TEAD1: variants seen among roughly 807,000 people sequenced by gnomAD.
TEAD1 encodes transcriptional enhancer factor TEF-1.
In TEAD1, 9 loss-of-function variants were observed where a neutral mutation model predicts 54.9. That is an observed-to-expected ratio of 0.16 (90% CI 0.10 to 0.29). TEAD1 has a LOEUF of 0.29. Ranked by LOEUF, TEAD1 falls within the 10% of genes least tolerant of loss-of-function variation. The probability of loss-of-function intolerance (pLI) is 1.00; values close to 1 mark genes in which losing one functional copy is unlikely to be tolerated. For synonymous variants in TEAD1, 200 were observed against 187.8 expected, an observed-to-expected ratio of 1.07 and a Z score of -0.53; for missense variants, 387 against 535.9, an observed-to-expected ratio of 0.72 and a Z score of 2.74.
chr11:12,823,236 T>G (rs1345348342), intron 3 of TEAD1, among the ~76,000 whole-genome samples: 1 of 152,208 alleles, frequency 6.6e-6, no homozygotes. Flanking sequence ...CTTCAGGGTC[T>G]TTTCTAAATG....
intron 2 of TEAD1, among the ~76,000 whole-genome samples, chr11:12,760,143 C>T (rs1033565176): frequency 1.3e-5 from 2 of 152,182 alleles, no homozygotes; most frequent in Non-Finnish European, 2.9e-5. Context: ...TCTTCACCAT[C>T]CATCAGAAGG....
chr11:12,868,701 G>T (rs896875238), intron 5 of TEAD1, among the ~76,000 whole-genome samples: 1 of 152,224 alleles, frequency 6.6e-6, no homozygotes, highest in Non-Finnish European at 1.5e-5. Flanking sequence ...TTTCTACGTA[G>T]ATTTGAACTT....
At position 12,890,421 on chromosome 11, in the gene TEAD1, G is replaced by A. The variant is rs117101727; in HGVS notation, c.699+7296G>A. ...AGTCTCTGGTGCCAAAAAGGGGACC[G>A]CTGCTTTAGAGCCTATCTTTCATCA... is the stretch of plus-strand genomic sequence containing the variant. On this transcript the variant is annotated intron_variant, in intron 9 of 12. Transcript: ENST00000527636. Among the ~76,000 whole-genome samples the A allele has an allele frequency of 1.9e-3, 287 of 152,252 alleles. 6 individuals carry two copies. In the East Asian group the frequency reaches 0.043, roughly 23 times the overall value.
intron 10 of TEAD1, among the ~76,000 whole-genome samples, chr11:12,923,300 T>C (rs1589993420): frequency 1.3e-5 from 2 of 152,280 alleles, no homozygotes; most frequent in East Asian, 3.9e-4. Context: ...CTCTTCTCTC[T>C]TATGGAATGC....
At chr11:12,896,035 TA>T (rs918718675) in intron 9 of TEAD1, among the ~76,000 whole-genome samples, 69 of 151,904 alleles carry the variant, frequency 4.5e-4, no homozygotes, top group Middle Eastern at 3.4e-3. Flanking sequence ...TATATCACAT[TA>T]AAAAAAATTA....
intron 2 of TEAD1, among the ~76,000 whole-genome samples, chr11:12,686,118 G>T (rs1404300914): frequency 6.6e-6 from 1 of 152,072 alleles, no homozygotes; most frequent in African/African-American, 2.4e-5. Context: ...GGTTTATGTT[G>T]CTTGTCTTGG....
intron 3 of TEAD1, among the ~76,000 whole-genome samples, chr11:12,830,295 G>A (rs1946745550): frequency 1.3e-5 from 2 of 152,072 alleles, no homozygotes; most frequent in Admixed American, 6.6e-5. Flanking sequence ...GCTGGCAGTG[G>A]GGGGCATCCC....
chr11:12,745,655 C>T (rs550366752), intron 2 of TEAD1, among the ~76,000 whole-genome samples: 12 of 141,946 alleles, frequency 8.5e-5, no homozygotes, highest in Admixed American at 3.6e-4. Flanking sequence ...TCTTATAATA[C>T]GTGCAACCCT....
At chr11:12,879,098 C>G (rs1177229536) in intron 5 of TEAD1, among the ~76,000 whole-genome samples, 3 of 152,168 alleles carry the variant, frequency 2.0e-5, no homozygotes, top group African/African-American at 7.2e-5. Flanking sequence ...GCGGGGATAC[C>G]TGAGAAAGCA....
chr11:12,783,197 T>TC (rs1380212962), intron 3 of TEAD1, among the ~76,000 whole-genome samples: 5 of 150,250 alleles, frequency 3.3e-5, no homozygotes, highest in African/African-American at 1.2e-4. Context: ...TGTGCCTTTT[T>TC]TTTTTTTTTT....
intron 2 of TEAD1, among the ~76,000 whole-genome samples, chr11:12,749,604 G>A (rs550227265): frequency 1.3e-5 from 2 of 152,328 alleles, no homozygotes; most frequent in East Asian, 3.9e-4. Flanking sequence ...CCATGGGGAA[G>A]TGAAGGCAGG....
At chr11:12,713,803 C>A (rs1943994829) in intron 2 of TEAD1, among the ~76,000 whole-genome samples, 1 of 152,192 alleles carries the variant, frequency 6.6e-6, no homozygotes, top group South Asian at 2.1e-4. Flanking sequence ...CTTTGCGTGT[C>A]AGCTCTCTCC....
chr11:12,914,712 C>T (rs1218156821), intron 10 of TEAD1, among the ~76,000 whole-genome samples: 2 of 152,264 alleles, frequency 1.3e-5, no homozygotes, highest in South Asian at 4.1e-4. Context: ...CTGCCCATGG[C>T]AGTGCTGCCT....
chr11:12,798,490 G>T (rs1012192500), intron 3 of TEAD1, among the ~76,000 whole-genome samples: 1 of 152,154 alleles, frequency 6.6e-6, no homozygotes, highest in African/African-American at 2.4e-5. Flanking sequence ...CAAGGTCTGG[G>T]ACTTGATTTC....
intron 8 of TEAD1, among the ~76,000 whole-genome samples, chr11:12,882,319 A>T (rs1354170833): frequency 6.6e-6 from 1 of 152,182 alleles, no homozygotes; most frequent in Non-Finnish European, 1.5e-5. Context: ...ACCCTTTCTT[A>T]GATAAGTAGA....
At chr11:12,748,886 T>C (rs1944807018) in intron 2 of TEAD1, among the ~76,000 whole-genome samples, 1 of 151,696 alleles carries the variant, frequency 6.6e-6, no homozygotes, top group African/African-American at 2.4e-5. Flanking sequence ...GGGGGTCAAA[T>C]GGACGTTCTT....
At chr11:12,828,521 C>T (rs939019387) in intron 3 of TEAD1, among the ~76,000 whole-genome samples, 3 of 152,112 alleles carry the variant, frequency 2.0e-5, no homozygotes, top group Admixed American at 1.3e-4. Context: ...TTTCAAGTTA[C>T]AGCATTTTTA....
At chr11:12,919,769 G>A (rs1196857337) in intron 10 of TEAD1, among the ~76,000 whole-genome samples, 1 of 152,016 alleles carries the variant, frequency 6.6e-6, no homozygotes, top group Non-Finnish European at 1.5e-5. Context: ...GAAAGTGCTG[G>A]GATTATAGGT....
intron 5 of TEAD1, among the ~76,000 whole-genome samples, chr11:12,875,467 A>G (rs1210799566): frequency 6.6e-6 from 1 of 152,222 alleles, no homozygotes; most frequent in Non-Finnish European, 1.5e-5. Flanking sequence ...GTCTGTAGGC[A>G]GACCCTTGGT....
Sources: gnomAD v4.1 joint callset for allele counts (sites outside exome capture counted in the v4.1 genomes callset) on GRCh38, gnomAD v4.1.1 for gene constraint, MANE v1.5 for transcripts, NCBI Gene and HGNC (gene_info 2026-07-23, HGNC 2026-07-21) for gene names.